Variants in PRKG1 observed in about 807,000 individuals in gnomAD.
The protein encoded by PRKG1 is protein kinase cGMP-dependent 1.
Under a neutral mutation model 88.1 loss-of-function variants are expected in PRKG1, and 35 were observed. The ratio of observed to expected loss-of-function variants is 0.40; its 90% confidence interval spans 0.30 to 0.53. The LOEUF is 0.53. Ranked by LOEUF, PRKG1 falls within the 20% of genes least tolerant of loss-of-function variation. The pLI, the probability that PRKG1 is intolerant of heterozygous loss-of-function variation, is 0.59. For missense variants in PRKG1, 540 were observed against 839.8 expected (o/e 0.64, Z 4.41); for synonymous variants, 303 against 292.5 (o/e 1.04, Z -0.37).
chr10:51,104,275 G>C (rs1226929493), intron 1 of PRKG1, among the ~76,000 whole-genome samples: 1 of 152,140 alleles, frequency 6.6e-6, no homozygotes, highest in Non-Finnish European at 1.5e-5. Context: ...TGCAGAATTT[G>C]GGTCCAGAGT....
chr10:52,159,436 T>G (rs1838221243), intron 8 of PRKG1, among the ~76,000 whole-genome samples: 1 of 151,586 alleles, frequency 6.6e-6, no homozygotes, highest in African/African-American at 2.4e-5. Context: ...GATATGATAT[T>G]ATGAGGTTTA....
intron 3 of PRKG1, among the ~76,000 whole-genome samples, chr10:51,687,749 A>G (rs933561170): frequency 6.6e-6 from 1 of 152,218 alleles, no homozygotes; most frequent in African/African-American, 2.4e-5. Context: ...TCTGGTGATC[A>G]TATATAATAA....
At chr10:51,401,306 A>G (rs1003652968) in intron 2 of PRKG1, among the ~76,000 whole-genome samples, 4 of 152,220 alleles carry the variant, frequency 2.6e-5, no homozygotes, top group Non-Finnish European at 5.9e-5. Context: ...GATGCTGAAT[A>G]GACACACGTG....
chr10:51,968,315 G>A (rs1266198201), intron 5 of PRKG1, among the ~76,000 whole-genome samples: 1 of 152,058 alleles, frequency 6.6e-6, no homozygotes, highest in African/African-American at 2.4e-5. Flanking sequence ...TCTAGGAGTG[G>A]GTGAATGGTT....
intron 1 of PRKG1, among the ~76,000 whole-genome samples, chr10:51,037,418 C>T (rs970339134): frequency 2.0e-5 from 3 of 152,096 alleles, no homozygotes; most frequent in Admixed American, 6.6e-5. Flanking sequence ...GAGCTGTGAT[C>T]GTGCCACTGC....
chr10:51,059,491 G>C (rs968498940), intron 1 of PRKG1, among the ~76,000 whole-genome samples: 1 of 151,786 alleles, frequency 6.6e-6, no homozygotes, highest in African/African-American at 2.4e-5. Flanking sequence ...CAAACTCCTG[G>C]GCTCAAGTGA....
At chr10:51,621,747 G>T (rs567075429) in intron 3 of PRKG1, among the ~76,000 whole-genome samples, 6 of 152,118 alleles carry the variant, frequency 3.9e-5, no homozygotes, top group African/African-American at 1.4e-4. Flanking sequence ...TGTTTTAAAG[G>T]TCCTCTCTAT....
At chr10:52,062,385 T>A (rs1293665716) in intron 6 of PRKG1, 152 bp from the exon 7 acceptor site, 1 of 416,284 alleles carries the variant, frequency 2.4e-6, no homozygotes, top group Non-Finnish European at 4.2e-6. Context: ...ATTTGTGATG[T>A]TGTTCTTTGG....
At chr10:52,087,875 G>A (rs542615861) in intron 7 of PRKG1, among the ~76,000 whole-genome samples, 8 of 152,196 alleles carry the variant, frequency 5.3e-5, no homozygotes, top group South Asian at 4.2e-4. Flanking sequence ...TTCCTCAATA[G>A]TAAGGAGACA....
At chr10:52,150,576 C>G (rs546185755) in intron 8 of PRKG1, among the ~76,000 whole-genome samples, 4 of 152,170 alleles carry the variant, frequency 2.6e-5, no homozygotes, top group African/African-American at 9.6e-5. Flanking sequence ...CATTGGTAAG[C>G]TTCTAATTAT....
rs1491310201 is a variant in PRKG1 at position 51,570,067 on chromosome 10, A to ATATATATATATATG, written c.592+102232_592+102233insATATATATATATGT. Among the ~76,000 whole-genome samples, 822 of 113,032 alleles carry ATATATATATATATG rather than the reference A, an allele frequency of 7.3e-3. 40 individuals carry two copies. The highest frequency in any genetic ancestry group is 0.027 in the African/African-American group (739 of 27,728). The allele number at this position is 113,032 out of a possible 152,430, so 74.2% of individuals were successfully genotyped here. Reference sequence around the variant, plus strand: ...CAAACTAGTATATATATATATATATATGTGTGTGTGTGTTTATATATGTAT... The same window carrying ATATATATATATATG: ...CAAACTAGTATATATATATATATATATATATATATATATGTGTGTGTGTGTGTTTATATATGTAT... On this transcript the variant is annotated intron_variant, in intron 3 of 17. Transcript: ENST00000373980.
At chr10:52,046,688 C>G (rs1845870525) in intron 5 of PRKG1, 1 of 152,080 alleles carries the variant, frequency 6.6e-6, no homozygotes, top group Non-Finnish European at 1.5e-5. Context: ...GCCTCCAGTA[C>G]CTGTTTAATC....
intron 3 of PRKG1, among the ~76,000 whole-genome samples, chr10:51,783,595 T>G (rs1195992510): frequency 6.6e-6 from 1 of 152,084 alleles, no homozygotes; most frequent in Non-Finnish European, 1.5e-5. Flanking sequence ...CCAATGGTTC[T>G]TAAATGTGAA....
At chr10:51,733,900 C>A (rs760155808) in intron 3 of PRKG1, among the ~76,000 whole-genome samples, 5 of 151,904 alleles carry the variant, frequency 3.3e-5, no homozygotes, top group Non-Finnish European at 5.9e-5. Context: ...CTCTGCATAC[C>A]TGAAGTTAAA....
intron 3 of PRKG1, among the ~76,000 whole-genome samples, chr10:51,469,076 C>G (rs1839980571): frequency 1.3e-5 from 2 of 151,686 alleles, no homozygotes; most frequent in African/African-American, 4.8e-5. Context: ...AGTGATCATT[C>G]AATTACATAG....
intron 1 of PRKG1, among the ~76,000 whole-genome samples, chr10:51,030,740 GA>G (rs1189340173): frequency 6.6e-6 from 1 of 152,036 alleles, no homozygotes; most frequent in Middle Eastern, 3.2e-3. Context: ...TAAAGAGCCT[GA>G]AAAACCCCCC....
chr10:52,126,567 G>C (rs1312935294), intron 7 of PRKG1, among the ~76,000 whole-genome samples: 3 of 152,032 alleles, frequency 2.0e-5, no homozygotes, highest in Non-Finnish European at 4.4e-5. Context: ...GCTGGTCTCA[G>C]ACTCTTGGGC....
At chr10:51,208,786 A>G (rs1006392130) in intron 2 of PRKG1, among the ~76,000 whole-genome samples, 2 of 152,124 alleles carry the variant, frequency 1.3e-5, no homozygotes, top group African/African-American at 4.8e-5. Flanking sequence ...ATGTGTTAGT[A>G]TTTTGACATG....
At chr10:51,806,491 G>A (rs1362839874) in intron 4 of PRKG1, among the ~76,000 whole-genome samples, 4 of 152,162 alleles carry the variant, frequency 2.6e-5, no homozygotes, top group Non-Finnish European at 4.4e-5. Flanking sequence ...AATAGAGCTG[G>A]CAGAGTTTAA....
Sources: gnomAD v4.1 joint callset for allele counts (sites outside exome capture counted in the v4.1 genomes callset) on GRCh38, gnomAD v4.1.1 for gene constraint, MANE v1.5 for transcripts, NCBI Gene and HGNC (gene_info 2026-07-23, HGNC 2026-07-21) for gene names.